The following SDC2 variants were observed in gnomAD, a reference collection of about 807,000 sequenced individuals.
SDC2 encodes the protein syndecan-2.
A neutral mutation model predicts 22.2 loss-of-function variants in SDC2; 13 were observed. The observed-to-expected ratio is 0.59, with a 90% confidence interval of 0.38 to 0.93. The LOEUF (loss-of-function observed/expected upper bound fraction) is 0.93, where lower values mean the gene tolerates loss of function less well. Among genes scored for constraint, SDC2 ranks in the 40% least tolerant of loss-of-function variants. The pLI is 0.00. For missense variants in SDC2, 235 were observed against 246.8 expected, an observed-to-expected ratio of 0.95 and a Z score of 0.32; for synonymous variants, 94 against 92.8, an observed-to-expected ratio of 1.01 and a Z score of -0.07.
chr8:96,561,089 G>A (rs1814202285), intron 1 of SDC2, among the ~76,000 whole-genome samples: 1 of 152,138 alleles, frequency 6.6e-6, no homozygotes, highest in Non-Finnish European at 1.5e-5. Flanking sequence ...GGGCAACAAA[G>A]CAAGATGCTG....
chr8:96,538,475 T>TTGAGTTGAC (rs1813789356), intron 1 of SDC2, among the ~76,000 whole-genome samples: 1 of 149,504 alleles, frequency 6.7e-6, no homozygotes, highest in African/African-American at 2.6e-5. Flanking sequence ...TGACTGAAGC[T>TTGAGTTGAC]TTTAAAGTCC....
At chr8:96,598,646 T>A (rs1814923451) in intron 2 of SDC2, among the ~76,000 whole-genome samples, 1 of 151,368 alleles carries the variant, frequency 6.6e-6, no homozygotes, top group Admixed American at 6.6e-5. Flanking sequence ...CAAAAAAAAA[T>A]AAGAGAATGA....
chr8:96,559,656 A>G (rs185295118), intron 1 of SDC2, among the ~76,000 whole-genome samples: 2 of 152,164 alleles, frequency 1.3e-5, no homozygotes, highest in African/African-American at 4.8e-5. Flanking sequence ...GTAAATATCA[A>G]GTTTTGTTTT....
intron 1 of SDC2, among the ~76,000 whole-genome samples, chr8:96,517,771 ATGTGTGTGTGTGTGTGTG>A (rs34151563): frequency 6.7e-6 from 1 of 149,358 alleles, no homozygotes; most frequent in South Asian, 2.1e-4. Context: ...GTGTGTGTGC[ATGTGTGTGTGTGTGTGTG>A]TGTGTGTGTG....
At chr8:96,497,862 C>CA (rs1306341798) in intron 1 of SDC2, among the ~76,000 whole-genome samples, 1 of 152,196 alleles carries the variant, frequency 6.6e-6, no homozygotes, top group Admixed American at 6.5e-5. Flanking sequence ...TGCCAAAAAT[C>CA]AAACTAAAAG....
chr8:96,518,243 T>A (rs1441613082), intron 1 of SDC2, among the ~76,000 whole-genome samples: 1 of 152,098 alleles, frequency 6.6e-6, no homozygotes, highest in Non-Finnish European at 1.5e-5. Flanking sequence ...TTGGTTATTT[T>A]AATTTTTAAT....
intron 1 of SDC2, among the ~76,000 whole-genome samples, chr8:96,543,944 C>T (rs893450776): frequency 3.9e-5 from 6 of 152,158 alleles, no homozygotes; most frequent in Admixed American, 3.9e-4. Flanking sequence ...AACAATTTTA[C>T]AGGATGCAGA....
Position 96,506,697 on chromosome 8 carries a change from G to C in SDC2, c.60+12366G>C, listed in dbSNP as rs2439520. Among the ~76,000 whole-genome samples, 4 of 151,960 alleles carry C rather than the reference G, an allele frequency of 2.6e-5. No individual in the cohort carries two copies. In the East Asian group the frequency reaches 7.8e-4, roughly 29 times the overall value. On this transcript the variant is annotated intron_variant, in intron 1 of 4. Transcript: ENST00000302190. Reference sequence around the variant, plus strand: ...TGTGGCCCAGGCTGTGGACCTTATAGTAGGTGTTCAGTTAGATCAAATAGC... The same window carrying C: ...TGTGGCCCAGGCTGTGGACCTTATACTAGGTGTTCAGTTAGATCAAATAGC...
At chr8:96,505,437 GGGACTACA>G (rs1238365745) in intron 1 of SDC2, among the ~76,000 whole-genome samples, 1 of 152,014 alleles carries the variant, frequency 6.6e-6, no homozygotes, top group Non-Finnish European at 1.5e-5. Flanking sequence ...CTGAGTAGCT[GGGACTACA>G]GGTGCACCAC....
In SDC2 at chr8:96,535,307, C is replaced by T. The variant is rs560683531; in HGVS notation, c.60+40976C>T. ...CAGGTGTGAGCCACTGTGCCCGGCC[C>T]CAAATAATTTTTTAGCCTAAGTGTG... On this transcript the variant is annotated intron_variant, in intron 1 of 4. Transcript: ENST00000302190. Among the ~76,000 whole-genome samples the T allele has an allele frequency of 3.9e-5, 6 of 152,188 alleles. No homozygotes were observed. In the South Asian group the frequency reaches 1.0e-3, roughly 26 times the overall value.
chr8:96,496,543 C>T (rs1813077516), intron 1 of SDC2, among the ~76,000 whole-genome samples: 1 of 152,044 alleles, frequency 6.6e-6, no homozygotes, highest in South Asian at 2.1e-4. Context: ...TTTCAGTCTC[C>T]GTTTGTTTCA....
chr8:96,499,653 G>A (rs991756281), intron 1 of SDC2, among the ~76,000 whole-genome samples: 1 of 152,124 alleles, frequency 6.6e-6, no homozygotes, highest in South Asian at 2.1e-4. Flanking sequence ...TTGGACCTAA[G>A]AATGCCTTTA....
intron 1 of SDC2, among the ~76,000 whole-genome samples, chr8:96,572,057 C>T (rs1006996831): frequency 6.6e-6 from 1 of 152,130 alleles, no homozygotes; most frequent in Non-Finnish European, 1.5e-5. Context: ...TCAGTGCTGG[C>T]TCAAGCAGTC....
At chr8:96,565,787 G>C (rs748618632) in intron 1 of SDC2, among the ~76,000 whole-genome samples, 1 of 152,118 alleles carries the variant, frequency 6.6e-6, no homozygotes, top group African/African-American at 2.4e-5. Flanking sequence ...ATGTAACGGC[G>C]TTCCTCCTGG....
Position 96,593,479 on chromosome 8 carries a change from G to C in SDC2, c.61-1G>C. On this transcript the variant is annotated splice_acceptor_variant, in intron 1 of 4. Transcript: ENST00000302190. LOFTEE classifies it high-confidence loss of function. ...TGACTCCCTTGTCTTTCCTTTCTCA[G>C]AGAGCAGAGCTGACATCTGATAAAG... 1 of 1,606,702 alleles carries C rather than the reference G, an allele frequency of 6.2e-7. No homozygotes were observed. Among genetic ancestry groups the C allele is most frequent in the Non-Finnish European group, 8.5e-7 (1 of 1,173,462 alleles).
In SDC2 at chr8:96,494,375, T is replaced by C. The variant is rs111453065; in HGVS notation, c.60+44T>C. On this transcript the variant is annotated intron_variant, in intron 1 of 4. Coordinates refer to ENST00000302190, the MANE Select transcript of SDC2 (RefSeq NM_002998.4). Reference sequence around the variant, plus strand: ...GGATGCGCGCGCCGTTTAGGGTGTTTGAAGCTACGAGAGGAGCCCGCAGGG... The same window carrying C: ...GGATGCGCGCGCCGTTTAGGGTGTTCGAAGCTACGAGAGGAGCCCGCAGGG... The C allele has an allele frequency of 2.0e-4, 308 of 1,528,636 alleles. 1 individual carries two copies. The African/African-American group carries it at 3.7e-3, about 19-fold the overall frequency. 94.7% of individuals were successfully genotyped at this position (1,528,636 alleles called of 1,614,324 possible). A position where few individuals can be genotyped will look rare whatever the true frequency, so the allele number is the denominator to read the frequency against.
In SDC2 at chr8:96,498,176, A is replaced by G. The variant is rs146223338; in HGVS notation, c.60+3845A>G. Among the ~76,000 whole-genome samples the G allele has an allele frequency of 6.0e-3, 913 of 152,302 alleles. 11 individuals carry two copies. The highest frequency in any genetic ancestry group is 0.021 in the African/African-American group (853 of 41,548). On this transcript the variant is annotated intron_variant, in intron 1 of 4. Transcript: ENST00000302190. ...GTCCAGCTGTGCATTCATTCTGCAG[A>G]TATTTATTTCATACCTACTAGGTGC...
At position 96,609,718 on chromosome 8, in the gene SDC2, C is replaced by A; in HGVS notation, c.*170C>A. 2 of 466,558 alleles carry A rather than the reference C, an allele frequency of 4.3e-6. No individual in the cohort carries two copies. Among genetic ancestry groups the A allele is most frequent in the Non-Finnish European group, 7.2e-6 (2 of 278,456 alleles). 28.9% of individuals were successfully genotyped at this position (466,558 alleles called of 1,614,324 possible). On this transcript the variant is annotated 3_prime_UTR_variant, in exon 5 of 5. Transcript: ENST00000302190. ...CATTTCATGTATTTCTTTAGAACAA[C>A]ATAAAATTAAAATTTAACATCTGCA... is the stretch of plus-strand genomic sequence containing the variant.
intron 1 of SDC2, among the ~76,000 whole-genome samples, chr8:96,580,918 C>T (rs1814578623): frequency 6.6e-6 from 1 of 152,138 alleles, no homozygotes; most frequent in South Asian, 2.1e-4. Context: ...TTTAGCACCC[C>T]TGGGTGCCAA....
Sources: allele counts gnomAD v4.1 joint callset (sites outside exome capture counted in the v4.1 genomes callset), GRCh38; gene constraint gnomAD v4.1.1; transcripts MANE v1.5; gene names NCBI Gene and HGNC (gene_info 2026-07-23, HGNC 2026-07-21).